Variants in PLEKHA6 observed in about 807,000 individuals in gnomAD.
The protein encoded by PLEKHA6 is pleckstrin homology domain containing A6.
Under a neutral mutation model 116.7 loss-of-function variants are expected in PLEKHA6, and 60 were observed. That is an observed-to-expected ratio of 0.51 (90% CI 0.42 to 0.64). The LOEUF is 0.64. Among genes scored for constraint, PLEKHA6 ranks in the 30% least tolerant of loss-of-function variants. PLEKHA6 has a pLI of 0.00. For missense variants in PLEKHA6, 1,338 were observed against 1,422.7 expected, an observed-to-expected ratio of 0.94 and a Z score of 0.96; for synonymous variants, 489 against 556.1, an observed-to-expected ratio of 0.88 and a Z score of 1.70.
intron 1 of PLEKHA6, among the ~76,000 whole-genome samples, chr1:204,358,526 T>G (rs1673477665): frequency 6.6e-6 from 1 of 152,214 alleles, no homozygotes; most frequent in Admixed American, 6.5e-5. Context: ...CCCCCGCACC[T>G]GCCCAGACAG....
intron 1 of PLEKHA6, among the ~76,000 whole-genome samples, chr1:204,290,534 A>T (rs534978052): frequency 6.6e-6 from 1 of 152,260 alleles, no homozygotes; most frequent in Non-Finnish European, 1.5e-5. Context: ...GACCATAGAC[A>T]TAAATGAAAG....
chr1:204,341,093 C>T (rs1373630199), intron 1 of PLEKHA6, among the ~76,000 whole-genome samples: 1 of 152,224 alleles, frequency 6.6e-6, no homozygotes, highest in African/African-American at 2.4e-5. Flanking sequence ...CCTCTCCTAC[C>T]GTGGTCTGCA....
At position 204,257,559 on chromosome 1, in the gene PLEKHA6, C is replaced by T. The variant is rs375139317; in HGVS notation, c.1318G>A (p.Ala440Thr). ...GACAGGCGGCGCAGGGAGCTAGAGG[C>T]GGCATCCAGCTCATCATAATAGACT... is the stretch of plus-strand genomic sequence containing the variant. ...QPVYYDELDA[A>T]SSSLRRLSLQ... is the part of the protein sequence containing the mutation. Residue 440 changes from alanine to threonine, a missense_variant, in exon 9 of 23, where the codon GCC becomes ACC. Physicochemically the swap from Ala to Thr is moderately conservative, Grantham distance 58. Transcript: ENST00000272203. The surrounding 1 kb of genome is among the most constrained non-coding windows in gnomAD (Gnocchi z 6.5). 2.7e-5 allele frequency: 44 copies of T among 1,600,506 alleles called. No homozygotes were observed. Among genetic ancestry groups the T allele is most frequent in the East Asian group, 2.0e-4 (9 of 44,454 alleles).
At position 204,250,886 on chromosome 1, in the gene PLEKHA6, C is replaced by T. The variant is rs527683555; in HGVS notation, c.1525-272G>A. Among the ~76,000 whole-genome samples the T allele has an allele frequency of 1.9e-4, 29 of 152,322 alleles. 1 individual carries two copies. Among genetic ancestry groups the T allele is most frequent in the African/African-American group, 7.0e-4 (29 of 41,578 alleles). ...CTCTGTATTTCCTCTCCCCCAAGCA[C>T]TAGGGTCAGCTGCTAAGAGCGACTG... On this transcript the variant is annotated intron_variant, in intron 9 of 22. Transcript: ENST00000272203.
At chr1:204,377,605 C>G (rs935537736) in exon 1 of PLEKHA6, 2 of 152,284 alleles carry the variant, frequency 1.3e-5, no homozygotes, top group African/African-American at 4.8e-5. Context: ...ATTCTCCCAC[C>G]GCCGTCAACT....
At chr1:204,322,210 C>T (rs758181022) in intron 1 of PLEKHA6, among the ~76,000 whole-genome samples, 2 of 152,134 alleles carry the variant, frequency 1.3e-5, no homozygotes, top group African/African-American at 2.4e-5. Context: ...ACCTCAGGTC[C>T]GTCTGAACCC....
Position 204,259,638 on chromosome 1 carries a change from C to T in PLEKHA6, c.627G>A (p.Gly209=), listed in dbSNP as rs146902883. 2.5e-5 allele frequency: 41 copies of T among 1,614,178 alleles called. No homozygotes were observed. In the East Asian group the frequency reaches 8.7e-4, roughly 34 times the overall value. The change falls in exon 8 of 23, where the codon GGG becomes GGA. Residue 209 remains glycine (G), a synonymous_variant. Coordinates refer to ENST00000272203, the MANE Select transcript of PLEKHA6 (RefSeq NM_014935.5). This position sits in a 1 kb window ranked among gnomAD's most constrained non-coding sequence, Gnocchi z 4.6. ...PKPEPEAKTR[G]EGDGRGCEKA... The stretch of plus-strand genomic sequence containing the variant: ...TCTCACAGCCTCGGCCATCACCCTC[C>T]CCTCGAGTCTTGGCCTCTGGCTCAG...
Position 204,307,073 on chromosome 1 carries a change from G to A in PLEKHA6, c.-94-32264C>T, listed in dbSNP as rs529075884. 2.6e-5 allele frequency among the ~76,000 whole-genome samples: 4 copies of A among 152,324 alleles called. No homozygotes were observed. The South Asian group carries it at 8.3e-4, about 32-fold the overall frequency. Reference sequence around the variant, plus strand: ...ATATTCTTATTTGCTAGAAGAGAAAGAAGGGATAAATGAAAAGAAGAAGAG... The same window carrying A: ...ATATTCTTATTTGCTAGAAGAGAAAAAAGGGATAAATGAAAAGAAGAAGAG... On this transcript the variant is annotated intron_variant, in intron 1 of 22. Coordinates refer to ENST00000272203, the MANE Select transcript of PLEKHA6 (RefSeq NM_014935.5).
rs557804001 is a variant in PLEKHA6, at chr1:204,274,634, T to C, written c.-14+95A>G. The C allele has an allele frequency of 4.0e-5, 39 of 985,700 alleles. No homozygotes were observed. In the African/African-American group the frequency reaches 6.3e-4, roughly 16 times the overall value. 61.1% of individuals were successfully genotyped at this position (985,700 alleles called of 1,614,324 possible). A position where few individuals can be genotyped will look rare whatever the true frequency, so the allele number is the denominator to read the frequency against. On this transcript the variant is annotated intron_variant, in intron 2 of 22. Coordinates refer to ENST00000272203, the MANE Select transcript of PLEKHA6 (RefSeq NM_014935.5). ...CAAAGCCCTTCTGCTTTCCTTCCCC[T>C]CCCTGTTGCCTTCTGCTTTCCAGCT...
At chr1:204,251,695 G>A (rs1664586414) in intron 9 of PLEKHA6, 3 of 659,430 alleles carry the variant, frequency 4.5e-6, no homozygotes, top group Non-Finnish European at 8.3e-6. Flanking sequence ...TTGTTTCCCA[G>A]GAAACAGGGG....
intron 3 of PLEKHA6, among the ~76,000 whole-genome samples, chr1:204,366,561 G>A (rs1673650657): frequency 2.6e-5 from 4 of 152,146 alleles, no homozygotes; most frequent in Non-Finnish European, 2.9e-5. Context: ...AGGTGTTCGA[G>A]ACCAGCCTGG....
rs899402442 is a variant in PLEKHA6 at position 204,221,186 on chromosome 1, G to A, written c.*1602C>T. ...GAGAATATCCTAAGCACCTACAACA[G>A]TGCCTGGTACATAAAAGGTGCTCGA... is the stretch of plus-strand genomic sequence containing the variant. On this transcript the variant is annotated 3_prime_UTR_variant, in exon 23 of 23. Transcript: ENST00000272203. 73 of 152,674 alleles carry A rather than the reference G, an allele frequency of 4.8e-4. No homozygotes were observed. Among genetic ancestry groups the A allele is most frequent in the African/African-American group, 1.7e-3 (69 of 41,466 alleles). The allele number at this position is 152,674 out of a possible 1,614,324, so 9.5% of individuals were successfully genotyped here. A position where few individuals can be genotyped will look rare whatever the true frequency, so the allele number is the denominator to read the frequency against.
At chr1:204,372,608 A>C (rs887039460) in intron 1 of PLEKHA6, among the ~76,000 whole-genome samples, 1 of 152,224 alleles carries the variant, frequency 6.6e-6, no homozygotes, top group African/African-American at 2.4e-5. Context: ...ACTTTTATTA[A>C]AATGAGATAT....
chr1:204,278,744 G>A (rs1668282811), intron 1 of PLEKHA6, among the ~76,000 whole-genome samples: 1 of 152,176 alleles, frequency 6.6e-6, no homozygotes, highest in African/African-American at 2.4e-5. Context: ...GGAGGCCTCG[G>A]TTTTCAGATC....
intron 1 of PLEKHA6, among the ~76,000 whole-genome samples, chr1:204,306,866 C>T (rs1052140366): frequency 6.6e-6 from 1 of 152,118 alleles, no homozygotes; most frequent in African/African-American, 2.4e-5. Context: ...TTCTAAGCAC[C>T]TACAAAATCC....
chr1:204,322,656 G>T (rs1331775941), intron 1 of PLEKHA6, among the ~76,000 whole-genome samples: 11 of 152,122 alleles, frequency 7.2e-5, no homozygotes, highest in African/African-American at 2.4e-4. Context: ...TCCTTAATGG[G>T]CAGGCAGCAG....
intron 3 of PLEKHA6, among the ~76,000 whole-genome samples, chr1:204,270,206 C>A (rs1011380075): frequency 3.9e-5 from 6 of 152,202 alleles, no homozygotes; most frequent in African/African-American, 1.4e-4. Context: ...GCCACTCCTT[C>A]TCAATCTCCT....
At chr1:204,374,380 G>A (rs1310239487) in intron 1 of PLEKHA6, among the ~76,000 whole-genome samples, 1 of 152,142 alleles carries the variant, frequency 6.6e-6, no homozygotes, top group South Asian at 2.1e-4. Context: ...AGGTCCCAGG[G>A]CTGCCTCTGC....
chr1:204,313,692 C>T (rs889366936), intron 1 of PLEKHA6: 74 of 985,226 alleles, frequency 7.5e-5, no homozygotes, highest in Non-Finnish European at 7.8e-5. Flanking sequence ...GAGATTTTCA[C>T]CTGACATTCT....
Sources: gnomAD v4.1 joint callset for allele counts (sites outside exome capture counted in the v4.1 genomes callset) on GRCh38, gnomAD v4.1.1 for gene constraint, Gnocchi (gnomAD v3.1) non-coding constraint, MANE v1.5 for transcripts, NCBI Gene and HGNC (gene_info 2026-07-23, HGNC 2026-07-21) for gene names.